TENM2: variants seen among roughly 807,000 people sequenced by gnomAD.
TENM2 encodes the protein teneurin transmembrane protein 2.
In TENM2, 52 loss-of-function variants were observed where a neutral mutation model predicts 245.2. That is an observed-to-expected ratio of 0.21 (90% CI 0.17 to 0.27). TENM2 has a LOEUF of 0.27. TENM2 is among the 10% of genes least tolerant of loss of function. The pLI, the probability that TENM2 is intolerant of heterozygous loss-of-function variation, is 1.00. For synonymous variants in TENM2, 1,363 were observed against 1,438.9 expected (o/e 0.95, Z 1.19); for missense variants, 3,046 against 3,666.8 (o/e 0.83, Z 4.37).
chr5:167,165,291 A>C, the TENM2 span: 1 of 152,224 alleles, frequency 6.6e-6, no homozygotes, highest in Non-Finnish European at 1.5e-5. Context: ...AGAGTCGTGC[A>C]GTGACCCAGG....
the TENM2 span, among the ~76,000 whole-genome samples, chr5:167,194,822 C>G: frequency 6.6e-6 from 1 of 151,916 alleles, no homozygotes. Flanking sequence ...CTCACAAAAC[C>G]TCGGAAGGAT....
chr5:167,075,528 T>C, the TENM2 span, among the ~76,000 whole-genome samples: 2 of 152,132 alleles, frequency 1.3e-5, no homozygotes, highest in African/African-American at 4.8e-5. Flanking sequence ...AAGCAAATCT[T>C]AGAATCTCAA....
chr5:168,219,870 CAGA>C (rs1763520149), intron 23 of TENM2, among the ~76,000 whole-genome samples: 1 of 117,652 alleles, frequency 8.5e-6, no homozygotes, highest in Non-Finnish European at 1.7e-5. Context: ...AGAGGGAGAA[CAGA>C]AAACCTCATT....
intron 4 of TENM2, among the ~76,000 whole-genome samples, chr5:167,986,767 A>G (rs1159837320): frequency 2.6e-5 from 4 of 152,194 alleles, no homozygotes; most frequent in Admixed American, 1.3e-4. Context: ...CAAATGATTC[A>G]TCTGAACACA....
At chr5:167,247,048 A>C in the TENM2 span, among the ~76,000 whole-genome samples, 1 of 152,174 alleles carries the variant, frequency 6.6e-6, no homozygotes, top group East Asian at 1.9e-4. Flanking sequence ...TAGTTATTAA[A>C]ATATTATCAA....
chr5:167,248,967 C>T, the TENM2 span, among the ~76,000 whole-genome samples: 8 of 151,948 alleles, frequency 5.3e-5, no homozygotes, highest in Non-Finnish European at 4.4e-5. Context: ...ATTTATAGTC[C>T]GCTGATCAGT....
At chr5:167,418,721 T>G (rs62388811) in intron 2 of TENM2, among the ~76,000 whole-genome samples, 63,669 of 151,996 alleles carry the variant, frequency 0.42, 14,834 homozygotes, top group Non-Finnish European at 0.51. Flanking sequence ...ATAAAAAATG[T>G]CAAGCGTGTG....
chr5:167,499,537 G>A (rs901093233), intron 2 of TENM2, among the ~76,000 whole-genome samples: 6 of 152,198 alleles, frequency 3.9e-5, no homozygotes, highest in Non-Finnish European at 8.8e-5. Context: ...GATGAGTTTT[G>A]TAGCTGGATG....
chr5:167,960,125 T>G (rs1780885894), intron 4 of TENM2, among the ~76,000 whole-genome samples: 1 of 152,236 alleles, frequency 6.6e-6, no homozygotes, highest in Non-Finnish European at 1.5e-5. Context: ...ATGAGGTGTC[T>G]GTCAACCCAT....
chr5:167,890,965 G>A (rs1234932037), intron 3 of TENM2, among the ~76,000 whole-genome samples: 1 of 152,160 alleles, frequency 6.6e-6, no homozygotes, highest in Non-Finnish European at 1.5e-5. Flanking sequence ...CTACTTAACA[G>A]ATAATCCATT....
At chr5:167,400,674 C>G (rs758508310) in intron 2 of TENM2, among the ~76,000 whole-genome samples, 1 of 151,884 alleles carries the variant, frequency 6.6e-6, no homozygotes, top group Non-Finnish European at 1.5e-5. Flanking sequence ...AGGACACGAC[C>G]CTAGAAATGC....
In TENM2 at chr5:167,937,404, T is replaced by C. The variant is rs531015991; in HGVS notation, c.713-15184T>C. ...GGGTAAATACCTAGACTTGGGATTA[T>C]TAGGGTGTGTGGTAAGTGTAACATC... On this transcript the variant is annotated intron_variant, in intron 3 of 28. Coordinates refer to ENST00000518659, the Ensembl canonical transcript of TENM2. 5.3e-5 allele frequency among the ~76,000 whole-genome samples: 8 copies of C among 152,284 alleles called. No individual in the cohort carries two copies. The South Asian group carries it at 1.5e-3, about 28-fold the overall frequency.
At chr5:167,716,346 C>G (rs1047853209) in intron 2 of TENM2, among the ~76,000 whole-genome samples, 1 of 152,230 alleles carries the variant, frequency 6.6e-6, no homozygotes, top group Non-Finnish European at 1.5e-5. Context: ...CCACCCAGTT[C>G]TCGCTGTTGC....
At chr5:167,543,278 G>A (rs1244719610) in intron 2 of TENM2, among the ~76,000 whole-genome samples, 2 of 152,112 alleles carry the variant, frequency 1.3e-5, no homozygotes, top group African/African-American at 4.8e-5. Flanking sequence ...TGCCTCTTGA[G>A]ACCTAGGCCC....
chr5:167,891,407 A>G (rs58786367), intron 3 of TENM2, among the ~76,000 whole-genome samples: 1,897 of 152,102 alleles, frequency 0.012, 45 homozygotes, highest in African/African-American at 0.042. Flanking sequence ...TCCTGATTAC[A>G]ATTACTCTTC....
intron 2 of TENM2, among the ~76,000 whole-genome samples, chr5:167,632,809 A>C: frequency 6.6e-6 from 1 of 152,184 alleles, no homozygotes; most frequent in East Asian, 1.9e-4. Context: ...CCATGAAAGG[A>C]AATGCCCTGC....
intron 4 of TENM2, among the ~76,000 whole-genome samples, chr5:167,962,088 T>C (rs954904560): frequency 6.6e-6 from 1 of 152,224 alleles, no homozygotes; most frequent in South Asian, 2.1e-4. Flanking sequence ...AGAGGACCAA[T>C]GAAACCACGC....
intron 2 of TENM2, among the ~76,000 whole-genome samples, chr5:167,652,084 G>A (rs1754507727): frequency 6.6e-6 from 1 of 152,046 alleles, no homozygotes; most frequent in African/African-American, 2.4e-5. Flanking sequence ...CTTCTTTTCA[G>A]TTCTTAATGG....
chr5:167,911,023 A>G lies in TENM2; in HGVS notation c.712+34828A>G, dbSNP rs191948041. On this transcript the variant is annotated intron_variant, in intron 3 of 28. Transcript: ENST00000518659. ...AAACCTGTTATTAAGAGCTCAAAAA[A>G]CGTAAACTTCTTATTAGAAGATTTG... Among the ~76,000 whole-genome samples, 1,372 of 152,292 alleles carry G rather than the reference A, an allele frequency of 9.0e-3. 8 individuals are homozygous for G. Among genetic ancestry groups the G allele is most frequent in the Middle Eastern group, 0.017 (5 of 294 alleles).
Sources: allele counts gnomAD v4.1 joint callset (sites outside exome capture counted in the v4.1 genomes callset), GRCh38; gene constraint gnomAD v4.1.1; transcripts MANE v1.5; gene names NCBI Gene and HGNC (gene_info 2026-07-23, HGNC 2026-07-21).